The following CNTN6 variants were observed in gnomAD, a reference collection of about 807,000 sequenced individuals.
The protein encoded by CNTN6 is contactin-6.
Under a neutral mutation model 122.8 loss-of-function variants are expected in CNTN6, and 137 were observed. The ratio of observed to expected loss-of-function variants is 1.12; its 90% CI spans 0.97 to 1.29. The LOEUF (loss-of-function observed/expected upper bound fraction) is 1.29, where lower values mean the gene tolerates loss of function less well. CNTN6 is among the 50% of genes most tolerant of loss of function. CNTN6 has a pLI of 0.00. For synonymous variants in CNTN6, 570 were observed against 426.0 expected, an observed-to-expected ratio of 1.34 and a Z score of -4.16; for missense variants, 1,634 against 1,223.4, an observed-to-expected ratio of 1.34 and a Z score of -5.01.
intron 3 of CNTN6, among the ~76,000 whole-genome samples, chr3:1,224,666 C>CGCGCACACAT (rs2094255283): frequency 6.6e-6 from 1 of 152,098 alleles, no homozygotes; most frequent in Non-Finnish European, 1.5e-5. Context: ...CAGGCACAAG[C>CGCGCACACAT]GCGCACACAT....
chr3:1,294,968 A>ATT (rs1480609971), intron 5 of CNTN6, among the ~76,000 whole-genome samples: 1 of 152,178 alleles, frequency 6.6e-6, no homozygotes. Flanking sequence ...TTATGTAATA[A>ATT]TCAGGCCAGT....
chr3:1,357,571 A>G (rs1016070504), intron 12 of CNTN6, among the ~76,000 whole-genome samples: 1 of 151,910 alleles, frequency 6.6e-6, no homozygotes, highest in Non-Finnish European at 1.5e-5. Context: ...CACTTGCCCA[A>G]GGTCCCTGCA....
intron 6 of CNTN6, among the ~76,000 whole-genome samples, chr3:1,296,552 C>T (rs1048212865): frequency 6.6e-6 from 1 of 152,096 alleles, no homozygotes; most frequent in African/African-American, 2.4e-5. Flanking sequence ...TGATTGTATT[C>T]AGGACTTGAA....
chr3:1,331,225 C>T (rs1481618646), intron 11 of CNTN6, among the ~76,000 whole-genome samples: 3 of 151,960 alleles, frequency 2.0e-5, no homozygotes, highest in Non-Finnish European at 4.4e-5. Flanking sequence ...TTATTCTCTG[C>T]ATTTCTTTAC....
chr3:1,303,090 C>A (rs1238430094), intron 7 of CNTN6, among the ~76,000 whole-genome samples: 1 of 152,090 alleles, frequency 6.6e-6, no homozygotes, highest in East Asian at 1.9e-4. Context: ...TTATTTCCAG[C>A]ATTTCCTTTT....
intron 2 of CNTN6, among the ~76,000 whole-genome samples, chr3:1,197,403 T>C (rs1347361475): frequency 6.6e-6 from 1 of 152,182 alleles, no homozygotes; most frequent in African/African-American, 2.4e-5. Context: ...TAATCGGCCT[T>C]TGTGATTTGC....
chr3:1,300,520 A>G (rs1456729313), intron 7 of CNTN6, among the ~76,000 whole-genome samples: 8 of 145,662 alleles, frequency 5.5e-5, no homozygotes, highest in South Asian at 2.1e-4. Context: ...AAAGAAAGAA[A>G]GAAAGATAAA....
chr3:1,226,146 T>A (rs2094280544), intron 3 of CNTN6, among the ~76,000 whole-genome samples: 1 of 152,170 alleles, frequency 6.6e-6, no homozygotes, highest in Non-Finnish European at 1.5e-5. Flanking sequence ...CCCAAAGTGC[T>A]GGGATTACAG....
At chr3:1,339,947 GAAT>G (rs1034119279) in intron 11 of CNTN6, among the ~76,000 whole-genome samples, 10 of 152,174 alleles carry the variant, frequency 6.6e-5, no homozygotes, top group African/African-American at 2.2e-4. Context: ...CATTATATAA[GAAT>G]AATAATGATG....
intron 21 of CNTN6, 46 bp downstream of exon 21, chr3:1,401,591 G>C: frequency 7.5e-7 from 1 of 1,326,514 alleles, no homozygotes; most frequent in Non-Finnish European, 1.1e-6. Context: ...AAGTTACTAA[G>C]GAATGAAACA....
intron 7 of CNTN6, among the ~76,000 whole-genome samples, chr3:1,301,924 A>G (rs1375159500): frequency 1.3e-5 from 2 of 152,222 alleles, no homozygotes; most frequent in African/African-American, 4.8e-5. Flanking sequence ...AACAAATTAA[A>G]TTATCTTTGA....
At chr3:1,287,761 C>T (rs1218348769) in intron 5 of CNTN6, among the ~76,000 whole-genome samples, 1 of 152,162 alleles carries the variant, frequency 6.6e-6, no homozygotes, top group African/African-American at 2.4e-5. Context: ...ACACTCCCAC[C>T]AGCGCCATGA....
chr3:1,190,807 C>T (rs2093691139), intron 2 of CNTN6, among the ~76,000 whole-genome samples: 1 of 152,116 alleles, frequency 6.6e-6, no homozygotes, highest in Non-Finnish European at 1.5e-5. Flanking sequence ...TAGGGATCCC[C>T]TTCTGTTGGC....
At chr3:1,122,741 AT>A (rs1186825521) in intron 1 of CNTN6, among the ~76,000 whole-genome samples, 1 of 151,768 alleles carries the variant, frequency 6.6e-6, no homozygotes, top group Non-Finnish European at 1.5e-5. Flanking sequence ...TTAGTATAAT[AT>A]TTTCAAGGTT....
At chr3:1,326,317 C>G (rs1420633855) in intron 9 of CNTN6, among the ~76,000 whole-genome samples, 1 of 151,504 alleles carries the variant, frequency 6.6e-6, no homozygotes, top group Non-Finnish European at 1.5e-5. Flanking sequence ...TTATTGCACC[C>G]TCATGAAAAC....
At chr3:1,165,752 G>C (rs573752500) in intron 2 of CNTN6, among the ~76,000 whole-genome samples, 7 of 152,176 alleles carry the variant, frequency 4.6e-5, no homozygotes, top group Non-Finnish European at 1.0e-4. Context: ...CAAAGCTGAA[G>C]AGGTTAAGTG....
chr3:1,193,088 G>C (rs921599076), intron 2 of CNTN6, among the ~76,000 whole-genome samples: 5 of 152,108 alleles, frequency 3.3e-5, no homozygotes, highest in African/African-American at 1.2e-4. Flanking sequence ...TGCTGTGTTG[G>C]CTTAATGGAA....
chr3:1,103,267 T>G (rs2091046372), intron 1 of CNTN6, among the ~76,000 whole-genome samples: 1 of 152,218 alleles, frequency 6.6e-6, no homozygotes, highest in African/African-American at 2.4e-5. Context: ...TGCTCAGTTG[T>G]GAATCTGTGT....
intron 4 of CNTN6, among the ~76,000 whole-genome samples, chr3:1,239,531 A>G (rs1175217769): frequency 4.0e-5 from 6 of 151,536 alleles, no homozygotes; most frequent in African/African-American, 1.4e-4. Context: ...AGATGACACA[A>G]ACAAATAGAA....
Sources: allele counts gnomAD v4.1 joint callset (sites outside exome capture counted in the v4.1 genomes callset), GRCh38; gene constraint gnomAD v4.1.1; transcripts MANE v1.5; gene names NCBI Gene and HGNC (gene_info 2026-07-23, HGNC 2026-07-21).